SCN2A: variants seen among roughly 807,000 people sequenced by gnomAD.
SCN2A encodes sodium voltage-gated channel alpha subunit 2, also known as sodium channel protein type 2 subunit alpha.
In SCN2A, 20 loss-of-function variants were observed where a neutral mutation model predicts 188.7. The ratio of observed to expected loss-of-function variants is 0.11; its 90% confidence interval spans 0.07 to 0.15. The LOEUF is 0.15. SCN2A is among the 10% of genes least tolerant of loss of function. SCN2A has a pLI of 1.00. For synonymous variants in SCN2A, 804 were observed against 833.1 expected (o/e 0.97, Z 0.60); for missense variants, 1,278 against 2,445.0 (o/e 0.52, Z 10.07).
At chr2:165,297,265 G>A (rs1021935873) in intron 3 of SCN2A, 130 bp downstream of exon 3, 20 of 640,576 alleles carry the variant, frequency 3.1e-5, no homozygotes, top group Middle Eastern at 4.1e-4. Flanking sequence ...TTACTCAATC[G>A]TTAGCATGTT....
intron 25 of SCN2A, among the ~76,000 whole-genome samples, chr2:165,383,573 A>T (rs1701713461): frequency 6.6e-6 from 1 of 152,140 alleles, no homozygotes; most frequent in South Asian, 2.1e-4. Context: ...CTTTGTGGTG[A>T]TCACTCAATC....
At chr2:165,360,097 A>C (rs1700383237) in intron 17 of SCN2A, among the ~76,000 whole-genome samples, 1 of 151,842 alleles carries the variant, frequency 6.6e-6, no homozygotes, top group Admixed American at 6.6e-5. Flanking sequence ...CAATTTTTTA[A>C]TTAAATTAAA....
rs1357139033 is a variant in SCN2A at position 165,365,140 on chromosome 2, C to A, written c.3400-3C>A. The A allele has an allele frequency of 6.2e-7, 1 of 1,611,112 alleles. No individual in the cohort carries two copies. Among genetic ancestry groups the A allele is most frequent in the South Asian group, 1.1e-5 (1 of 90,864 alleles). ...TGTGTTTTTTTGTGGGATTGATTTT[C>A]AGAAGCTAAATGCAACTAGTTCATC... On this transcript the variant is annotated splice_region_variant and splice_polypyrimidine_tract_variant and intron_variant, in intron 17 of 26. Coordinates refer to ENST00000375437, the MANE Select transcript of SCN2A (RefSeq NM_001040142.2).
At chr2:165,374,631 A>C in intron 21 of SCN2A, 54 bp from the exon 22 acceptor site, 1 of 1,570,278 alleles carries the variant, frequency 6.4e-7, no homozygotes, top group Non-Finnish European at 8.7e-7. Context: ...TTTAAAAATA[A>C]GTAAATATTT....
rs767592553 is a variant in SCN2A at position 165,389,380 on chromosome 2, A to G, written c.5574A>G (p.Leu1858=). ...SGDRIHCLDI[L]FAFTKRVLGE... is the part of the protein sequence containing the mutation. The stretch of plus-strand genomic sequence containing the variant: ...ACCGGATCCACTGTCTTGACATCTT[A>G]TTTGCTTTTACAAAGCGTGTTTTGG... The change falls in exon 27 of 27, where the codon TTA becomes TTG. Residue 1858 remains leucine (L), a synonymous_variant. Transcript: ENST00000375437. The surrounding 1 kb of genome is among the most constrained non-coding windows in gnomAD (Gnocchi z 4.2). 3.8e-5 allele frequency: 61 copies of G among 1,613,702 alleles called. No homozygotes were observed. Among genetic ancestry groups the G allele is most frequent in the African/African-American group, 1.3e-4 (10 of 74,762 alleles).
chr2:165,276,247 C>G (rs1305534193), intron 1 of SCN2A, among the ~76,000 whole-genome samples: 1 of 147,344 alleles, frequency 6.8e-6, no homozygotes, highest in African/African-American at 2.5e-5. Context: ...TAGCTAGAAA[C>G]AGTTTGCCAA....
chr2:165,333,038 G>A (rs1476384560), intron 14 of SCN2A, among the ~76,000 whole-genome samples: 3 of 151,892 alleles, frequency 2.0e-5, no homozygotes, highest in Non-Finnish European at 4.4e-5. Flanking sequence ...TTTAATTAAG[G>A]CCCACAAATT....
intron 5 of SCN2A, 187 bp from the exon 6 acceptor site, chr2:165,309,165 G>A (rs1446422872): frequency 6.2e-7 from 1 of 1,613,184 alleles, no homozygotes. Context: ...AATTCTACAG[G>A]TATGTAACAG....
At chr2:165,252,900 T>G (rs1267297722) in intron 1 of SCN2A, among the ~76,000 whole-genome samples, 1 of 151,888 alleles carries the variant, frequency 6.6e-6, no homozygotes, top group African/African-American at 2.4e-5. Context: ...AAGTCAAAAT[T>G]CAGGGATTTG....
At position 165,365,228 on chromosome 2, in the gene SCN2A, A is replaced by T. The variant is rs201124054; in HGVS notation, c.3485A>T (p.Glu1162Val). The change falls in exon 18 of 27, where the codon GAG becomes GTG. Residue 1162 changes from glutamate (E) to valine (V), a missense_variant. Glu to Val is a moderately radical substitution (Grantham distance 121). Transcript: ENST00000375437. The part of the protein sequence containing the change: ...AEGEQPEVEP[E>V]ESLEPEACFT... ...GGAGAACAGCCTGAGGTTGAACCTG[A>T]GGAATCCCTTGAACCTGAAGCCTGT... The T allele has an allele frequency of 3.5e-5, 57 of 1,613,958 alleles. No individual in the cohort carries two copies. The highest frequency in any genetic ancestry group is 1.6e-4 in the Middle Eastern group (1 of 6,084).
At position 165,265,354 on chromosome 2, in the gene SCN2A, T is replaced by G. The variant is rs181190124; in HGVS notation, c.-52+25714T>G. Among the ~76,000 whole-genome samples the G allele has an allele frequency of 2.6e-3, 387 of 150,446 alleles. 2 individuals are homozygous for G. The highest frequency in any genetic ancestry group is 8.7e-3 in the African/African-American group (359 of 41,124). ...TTTTAATGGGGTTGTTTGTTTGTTT[T>G]TTTTTCTTGTAAATTTGTTTAAGTT... On this transcript the variant is annotated intron_variant, in intron 1 of 26. Transcript: ENST00000375437.
intron 4 of SCN2A, among the ~76,000 whole-genome samples, chr2:165,308,296 TTTGATGGCTTTTAA>T (rs1697247472): frequency 6.6e-6 from 1 of 152,176 alleles, no homozygotes; most frequent in Non-Finnish European, 1.5e-5. Context: ...CTAGTATATG[TTTGATGGCTTTTAA>T]TGGTGCATAT....
chr2:165,241,079 C>T (rs1350499047), intron 1 of SCN2A: 1 of 151,434 alleles, frequency 6.6e-6, no homozygotes. Flanking sequence ...ACACAATTCA[C>T]CTCTAGTGTG....
chr2:165,354,323 T>C lies in SCN2A; in HGVS notation c.3051T>C (p.Val1017=), dbSNP rs776281015. ...GGATGCAGAAAGGAATCGATTTTGT[T>C]AAAAGAAAAATACGTGAATTTATTC... ...VGRMQKGIDF[V]KRKIREFIQK... The change falls in exon 17 of 27, where the codon GTT becomes GTC. Residue 1017 remains valine (V), a synonymous_variant. Coordinates refer to ENST00000375437, the MANE Select transcript of SCN2A (RefSeq NM_001040142.2). 3.7e-6 allele frequency: 6 copies of C among 1,613,926 alleles called. No homozygotes were observed. The South Asian group carries it at 5.5e-5, about 15-fold the overall frequency.
chr2:165,380,348 G>T (rs1269944988), intron 23 of SCN2A, among the ~76,000 whole-genome samples: 1 of 128,166 alleles, frequency 7.8e-6, no homozygotes, highest in Non-Finnish European at 1.8e-5. Flanking sequence ...CTGGGCATTT[G>T]TTGGGTGAAA....
Position 165,280,244 on chromosome 2 carries a change from C to A in SCN2A, c.-51-15529C>A, listed in dbSNP as rs925005910. The stretch of plus-strand genomic sequence containing the variant: ...TACTCAGACTATTGTACAGCCTGGA[C>A]CATAGAAGGTATGCAATACGATTAT... On this transcript the variant is annotated intron_variant, in intron 1 of 26. Transcript: ENST00000375437. Among the ~76,000 whole-genome samples the A allele has an allele frequency of 4.6e-5, 7 of 152,236 alleles. No individual in the cohort carries two copies. In the South Asian group the frequency reaches 1.5e-3, roughly 32 times the overall value.
At position 165,388,675 on chromosome 2, in the gene SCN2A, C is replaced by G. The variant is rs200960967; in HGVS notation, c.4869C>G (p.Thr1623=). The change falls in exon 27 of 27, where the codon ACC becomes ACG. Residue 1623 remains threonine, a synonymous_variant. Transcript: ENST00000375437. The part of the protein sequence containing the change: ...ELIEKYFVSP[T]LFRVIRLARI... ...TAGAAAAGTATTTTGTGTCCCCTAC[C>G]CTGTTCCGAGTGATCCGTCTTGCCA... 1 of 1,613,902 alleles carries G rather than the reference C, an allele frequency of 6.2e-7. No individual in the cohort carries two copies. Among genetic ancestry groups the G allele is most frequent in the East Asian group, 2.2e-5 (1 of 44,874 alleles).
intron 1 of SCN2A, among the ~76,000 whole-genome samples, chr2:165,292,764 G>T (rs960829153): frequency 6.6e-5 from 10 of 152,244 alleles, no homozygotes; most frequent in Admixed American, 6.5e-4. Context: ...TTTGAATCCT[G>T]CCTGTATGAT....
At chr2:165,247,626 T>A (rs1693905235) in intron 1 of SCN2A, among the ~76,000 whole-genome samples, 2 of 152,210 alleles carry the variant, frequency 1.3e-5, no homozygotes, top group Non-Finnish European at 2.9e-5. Flanking sequence ...CACTTTACTC[T>A]TTACTCTGCC....
Sources: gnomAD v4.1 joint callset for allele counts (sites outside exome capture counted in the v4.1 genomes callset) on GRCh38, gnomAD v4.1.1 for gene constraint, Gnocchi (gnomAD v3.1) non-coding constraint, MANE v1.5 for transcripts, NCBI Gene and HGNC (gene_info 2026-07-23, HGNC 2026-07-21) for gene names.